The following GALNT2 variants were observed in gnomAD, a reference collection of about 807,000 sequenced individuals.
GALNT2 encodes polypeptide N-acetylgalactosaminyltransferase 2.
GALNT2 carries 31 observed loss-of-function variants against 81.4 expected under a neutral mutation model. The ratio of observed to expected loss-of-function variants is 0.38; its 90% CI spans 0.29 to 0.51. The LOEUF is 0.51. Among genes scored for constraint, GALNT2 ranks in the 20% least tolerant of loss-of-function variants. The pLI, the probability that GALNT2 is intolerant of heterozygous loss-of-function variation, is 0.87. For missense variants in GALNT2, 629 were observed against 765.7 expected (o/e 0.82, Z 2.11); for synonymous variants, 303 against 287.4 (o/e 1.05, Z -0.55).
chr1:230,160,991 TC>T (rs1336693076), intron 1 of GALNT2, among the ~76,000 whole-genome samples: 1 of 152,214 alleles, frequency 6.6e-6, no homozygotes, highest in East Asian at 1.9e-4. Flanking sequence ...ACAGTCTACT[TC>T]CTATCTATTG....
chr1:230,061,964 T>C (rs886213624), intron 1 of GALNT2, among the ~76,000 whole-genome samples: 1 of 152,236 alleles, frequency 6.6e-6, no homozygotes, highest in Non-Finnish European at 1.5e-5. Context: ...ACATACCCTA[T>C]TGCAACTTCC....
At chr1:230,103,095 A>T (rs980118896) in intron 1 of GALNT2, among the ~76,000 whole-genome samples, 6 of 152,184 alleles carry the variant, frequency 3.9e-5, no homozygotes, top group Non-Finnish European at 7.3e-5. Context: ...TTGCATTTGG[A>T]GGAATTGTAA....
chr1:230,239,750 CT>C (rs1665143228), intron 6 of GALNT2, among the ~76,000 whole-genome samples: 1 of 152,162 alleles, frequency 6.6e-6, no homozygotes, highest in African/African-American at 2.4e-5. Context: ...AACTGTGTTC[CT>C]GCTTTCTTGC....
chr1:230,161,830 A>G (rs1662446125), intron 1 of GALNT2, among the ~76,000 whole-genome samples: 1 of 152,116 alleles, frequency 6.6e-6, no homozygotes, highest in East Asian at 1.9e-4. Flanking sequence ...TGTTTCTATT[A>G]CTTATTTTAC....
intron 1 of GALNT2, among the ~76,000 whole-genome samples, chr1:230,128,257 A>ATGTGTG (rs59410758): frequency 2.0e-5 from 3 of 149,760 alleles, no homozygotes; most frequent in Admixed American, 1.3e-4. Context: ...GCGCTGGAGA[A>ATGTGTG]TGTGTGTGTG....
At chr1:230,128,241 G>C (rs1161306354) in intron 1 of GALNT2, among the ~76,000 whole-genome samples, 1 of 146,296 alleles carries the variant, frequency 6.8e-6, no homozygotes, top group Non-Finnish European at 1.5e-5. Flanking sequence ...ACTTCTAAAT[G>C]CAAGTGCGCT....
chr1:230,126,314 G>A (rs1198593482), intron 1 of GALNT2, among the ~76,000 whole-genome samples: 1 of 152,194 alleles, frequency 6.6e-6, no homozygotes, highest in Admixed American at 6.5e-5. Context: ...TGCAGAATGT[G>A]GAAAGGGCCT....
chr1:230,154,777 A>G (rs1302870412), intron 1 of GALNT2, among the ~76,000 whole-genome samples: 2 of 152,164 alleles, frequency 1.3e-5, no homozygotes, highest in East Asian at 3.8e-4. Flanking sequence ...TCGCCCCTTG[A>G]GCGCAGACTT....
At chr1:230,160,794 A>AG (rs1297112126) in intron 1 of GALNT2, among the ~76,000 whole-genome samples, 1 of 152,172 alleles carries the variant, frequency 6.6e-6, no homozygotes, top group Non-Finnish European at 1.5e-5. Flanking sequence ...TGTTTTAAAA[A>AG]GCCCTGTGGA....
intron 1 of GALNT2, among the ~76,000 whole-genome samples, chr1:230,095,686 T>C (rs1660233283): frequency 6.6e-6 from 1 of 152,232 alleles, no homozygotes; most frequent in East Asian, 1.9e-4. Flanking sequence ...CTGGTCAGTC[T>C]GGTGTCAAAC....
intron 2 of GALNT2, among the ~76,000 whole-genome samples, chr1:230,194,950 C>T (rs1447886327): frequency 6.6e-6 from 1 of 152,210 alleles, no homozygotes; most frequent in African/African-American, 2.4e-5. Context: ...AAGAGCATCC[C>T]AGCTCTGCGG....
chr1:230,271,000 A>G (rs1370529287), intron 14 of GALNT2, among the ~76,000 whole-genome samples: 1 of 152,260 alleles, frequency 6.6e-6, no homozygotes, highest in Non-Finnish European at 1.5e-5. Flanking sequence ...TTGTAAAAAC[A>G]TTCAGACATG....
intron 1 of GALNT2, among the ~76,000 whole-genome samples, chr1:230,083,615 A>G (rs1282285936): frequency 6.6e-6 from 1 of 152,210 alleles, no homozygotes; most frequent in East Asian, 1.9e-4. Context: ...TTATGTTAAA[A>G]TGTTTGAAAA....
chr1:230,086,365 G>A (rs1571944466), intron 1 of GALNT2, among the ~76,000 whole-genome samples: 3 of 152,120 alleles, frequency 2.0e-5, no homozygotes, highest in East Asian at 3.9e-4. Context: ...CATTCTGCCG[G>A]CCCTTTATCT....
At chr1:230,121,320 C>T (rs1409938889) in intron 1 of GALNT2, among the ~76,000 whole-genome samples, 6 of 152,206 alleles carry the variant, frequency 3.9e-5, no homozygotes, top group East Asian at 1.9e-4. Context: ...AGTCCCGTGG[C>T]GGGCGGTGGG....
chr1:230,125,634 G>T (rs1661150316), intron 1 of GALNT2, among the ~76,000 whole-genome samples: 1 of 152,220 alleles, frequency 6.6e-6, no homozygotes, highest in Non-Finnish European at 1.5e-5. Context: ...ATAGATTTTG[G>T]TGGGTAAGAG....
At chr1:230,163,996 T>A (rs1457291197) in intron 1 of GALNT2, among the ~76,000 whole-genome samples, 1 of 152,206 alleles carries the variant, frequency 6.6e-6, no homozygotes, top group Non-Finnish European at 1.5e-5. Flanking sequence ...CACTGCCTGT[T>A]AGCTGTGTGC....
At chr1:230,184,764 G>A (rs996238432) in intron 2 of GALNT2, among the ~76,000 whole-genome samples, 43 of 151,964 alleles carry the variant, frequency 2.8e-4, no homozygotes, top group Middle Eastern at 3.4e-3. Context: ...CTTAATTTGC[G>A]TTTTGGTGTT....
At chr1:230,155,846 A>G (rs1662234200) in intron 1 of GALNT2, among the ~76,000 whole-genome samples, 1 of 152,130 alleles carries the variant, frequency 6.6e-6, no homozygotes, top group Admixed American at 6.5e-5. Flanking sequence ...CCTCCAGTTC[A>G]CTCAGGAGTT....
Sources: allele counts gnomAD v4.1 joint callset (sites outside exome capture counted in the v4.1 genomes callset), GRCh38; gene constraint gnomAD v4.1.1; transcripts MANE v1.5; gene names NCBI Gene and HGNC (gene_info 2026-07-23, HGNC 2026-07-21).